The following SCML4 variants were observed in gnomAD, a reference collection of about 807,000 sequenced individuals.
SCML4 encodes Scm polycomb group protein like 4, also known as sex comb on midleg-like protein 4.
In SCML4, 34 loss-of-function variants were observed where a neutral mutation model predicts 41.1. The ratio of observed to expected loss-of-function variants is 0.83; its 90% CI spans 0.63 to 1.10. SCML4 has a LOEUF of 1.10. SCML4 is among the 50% of genes least tolerant of loss of function. The pLI, the probability that SCML4 is intolerant of heterozygous loss-of-function variation, is 0.00. For synonymous variants in SCML4, 214 were observed against 220.9 expected (o/e 0.97, Z 0.28); for missense variants, 522 against 534.1 (o/e 0.98, Z 0.22).
At chr6:107,738,318 C>T (rs1176459268) in intron 5 of SCML4, among the ~76,000 whole-genome samples, 2 of 152,026 alleles carry the variant, frequency 1.3e-5, no homozygotes, top group African/African-American at 2.4e-5. Context: ...GCAGGGAAGC[C>T]TGAAGGCTGA....
intron 6 of SCML4, chr6:107,719,873 T>C: frequency 1.0e-6 from 1 of 984,340 alleles, no homozygotes; most frequent in Non-Finnish European, 1.2e-6. Context: ...CTATACTCTA[T>C]GGCCTTTAGG....
At chr6:107,818,130 A>G (rs1292158864) in intron 1 of SCML4, among the ~76,000 whole-genome samples, 1 of 152,230 alleles carries the variant, frequency 6.6e-6, no homozygotes, top group Admixed American at 6.5e-5. Flanking sequence ...ATTTAAAGCT[A>G]TCTACAGCTT....
chr6:107,805,162 G>A (rs958193699), intron 1 of SCML4, among the ~76,000 whole-genome samples: 6 of 152,142 alleles, frequency 3.9e-5, no homozygotes, highest in African/African-American at 1.4e-4. Flanking sequence ...GGAGAGTTAG[G>A]GGTGTGGAGC....
chr6:107,779,913 G>A (rs1781349232), intron 1 of SCML4, among the ~76,000 whole-genome samples: 1 of 152,164 alleles, frequency 6.6e-6, no homozygotes. Context: ...CACCCATTGT[G>A]TGCACTTCCA....
intron 2 of SCML4, chr6:107,755,664 T>C: frequency 7.9e-7 from 1 of 1,268,652 alleles, no homozygotes; most frequent in South Asian, 1.3e-5. Context: ...GCCTTAGGTT[T>C]CTAAAAAAAA....
intron 2 of SCML4, among the ~76,000 whole-genome samples, chr6:107,752,359 G>T (rs936946117): frequency 6.6e-6 from 1 of 152,018 alleles, no homozygotes; most frequent in Non-Finnish European, 1.5e-5. Context: ...ATATGGTTCT[G>T]GGGGAGAGCC....
intron 1 of SCML4, among the ~76,000 whole-genome samples, chr6:107,815,708 T>A (rs1252911398): frequency 6.6e-6 from 1 of 152,258 alleles, no homozygotes; most frequent in East Asian, 1.9e-4. Context: ...GCAAATACTT[T>A]GTCTCATTCT....
At chr6:107,733,584 G>A (rs77030811) in intron 5 of SCML4, among the ~76,000 whole-genome samples, 2,748 of 152,278 alleles carry the variant, frequency 0.018, 50 homozygotes, top group Non-Finnish European at 0.029. Context: ...AATGGTGTGA[G>A]TAGCCTGCAG....
At chr6:107,722,214 T>G (rs1775501695) in intron 5 of SCML4, among the ~76,000 whole-genome samples, 1 of 152,120 alleles carries the variant, frequency 6.6e-6, no homozygotes, top group South Asian at 2.1e-4. Context: ...TGACCTCAAG[T>G]GATCCATCTG....
rs1265188009 is a variant in SCML4 at position 107,822,547 on chromosome 6, G to T, written c.-60+1579C>A. 2.2e-5 allele frequency among the ~76,000 whole-genome samples: 3 copies of T among 136,596 alleles called. No individual in the cohort carries two copies. The Admixed American group carries it at 2.3e-4, about 10-fold the overall frequency. The allele number at this position is 136,596 out of a possible 152,430, so 89.6% of individuals were successfully genotyped here. ...GCAGCAAAATAAAAGTAATTTTGGGGACACAGGGAAGAAATGTAAACATGT... is the reference window on the plus strand; with the variant it reads ...GCAGCAAAATAAAAGTAATTTTGGGTACACAGGGAAGAAATGTAAACATGT... On this transcript the variant is annotated intron_variant, in intron 1 of 7. Transcript: ENST00000369020.
At chr6:107,828,046 G>A (rs1240125847), upstream of SCML4, among the ~76,000 whole-genome samples, 3 of 152,142 alleles carry the variant, frequency 2.0e-5, no homozygotes, top group African/African-American at 7.2e-5. Context: ...TTCCCATTTT[G>A]TATCCCATTT....
At chr6:107,825,954 A>AT (rs1562296842), upstream of SCML4, among the ~76,000 whole-genome samples, 2 of 149,324 alleles carry the variant, frequency 1.3e-5, no homozygotes, top group Non-Finnish European at 3.0e-5. Context: ...AAAAAAAAAA[A>AT]AAGAAAATAA....
intron 1 of SCML4, among the ~76,000 whole-genome samples, chr6:107,803,979 C>G (rs377605180): frequency 1.3e-5 from 2 of 151,268 alleles, no homozygotes; most frequent in Non-Finnish European, 2.9e-5. Flanking sequence ...TCTGCTGACC[C>G]TCCCTCCACT....
intron 2 of SCML4, among the ~76,000 whole-genome samples, chr6:107,752,684 G>T (rs546342444): frequency 1.1e-4 from 17 of 152,288 alleles, no homozygotes; most frequent in Non-Finnish European, 1.8e-4. Flanking sequence ...AAGACTAGGA[G>T]TGGCCATTAG....
chr6:107,767,661 G>T (rs72933160), intron 2 of SCML4, among the ~76,000 whole-genome samples: 26,784 of 152,186 alleles, frequency 0.18, 2,911 homozygotes, highest in South Asian at 0.27. Flanking sequence ...AACAGAAGCT[G>T]CTAGCTGTTC....
chr6:107,720,777 G>A lies in SCML4; in HGVS notation c.899C>T (p.Pro300Leu). 1.9e-6 allele frequency: 3 copies of A among 1,613,086 alleles called. No homozygotes were observed. Among genetic ancestry groups the A allele is most frequent in the African/African-American group, 1.3e-5 (1 of 75,058 alleles). ...TGGAGGCCTCAGCCCAGGTGCCGAG[G>A]GGCCACCAGAAGACATGGGGCTAGT... ...PRTSPMSSGG[P>L]SAPGLRPPAS... is the part of the protein sequence containing the mutation. Residue 300 changes from proline to leucine, a missense_variant, in exon 6 of 8, where the codon CCC becomes CTC. By Grantham distance (98) the Pro-to-Leu change is moderately conservative. Coordinates refer to ENST00000369020, the MANE Select transcript of SCML4 (RefSeq NM_198081.5).
intron 2 of SCML4, among the ~76,000 whole-genome samples, chr6:107,751,952 G>A (rs1367181728): frequency 6.6e-6 from 1 of 152,104 alleles, no homozygotes; most frequent in East Asian, 1.9e-4. Context: ...TCTGACTATG[G>A]TATTGAGAAA....
chr6:107,807,432 A>G (rs1783823535), intron 1 of SCML4, among the ~76,000 whole-genome samples: 1 of 152,148 alleles, frequency 6.6e-6, no homozygotes, highest in South Asian at 2.1e-4. Context: ...GAAGCTCGCC[A>G]TGGGTAAACT....
At chr6:107,843,127 C>T in the SCML4 span, among the ~76,000 whole-genome samples, 3 of 152,024 alleles carry the variant, frequency 2.0e-5, no homozygotes, top group Non-Finnish European at 2.9e-5. Context: ...ATTGGGAGAA[C>T]GAATGGCCAA....
Sources: gnomAD v4.1 joint callset for allele counts (sites outside exome capture counted in the v4.1 genomes callset) on GRCh38, gnomAD v4.1.1 for gene constraint, MANE v1.5 for transcripts, NCBI Gene and HGNC (gene_info 2026-07-23, HGNC 2026-07-21) for gene names.